PTPRG: variants seen among roughly 807,000 people sequenced by gnomAD.
The protein encoded by PTPRG is protein tyrosine phosphatase receptor type G, also known as receptor-type tyrosine-protein phosphatase gamma.
Under a neutral mutation model 165.3 loss-of-function variants are expected in PTPRG, and 102 were observed. The ratio of observed to expected loss-of-function variants is 0.62; its 90% CI spans 0.53 to 0.73. The LOEUF (loss-of-function observed/expected upper bound fraction) is 0.73. PTPRG is among the 30% of genes least tolerant of loss of function. PTPRG has a pLI of 0.00. For missense variants in PTPRG, 1,866 were observed against 1,861.4 expected (o/e 1.00, Z -0.05); for synonymous variants, 675 against 669.5 (o/e 1.01, Z -0.13).
intron 2 of PTPRG, among the ~76,000 whole-genome samples, chr3:61,924,835 A>G (rs575185972): frequency 1.6e-4 from 25 of 152,326 alleles, no homozygotes; most frequent in African/African-American, 6.0e-4. Context: ...TTGCTCTGAA[A>G]TTCATATACT....
intron 2 of PTPRG, among the ~76,000 whole-genome samples, chr3:61,947,195 G>A (rs2039781352): frequency 6.6e-6 from 1 of 152,182 alleles, no homozygotes; most frequent in Non-Finnish European, 1.5e-5. Flanking sequence ...CCTGCATAAG[G>A]AGATAAACTA....
intron 1 of PTPRG, among the ~76,000 whole-genome samples, chr3:61,675,832 A>G (rs2107094182): frequency 6.6e-6 from 1 of 152,064 alleles, no homozygotes; most frequent in South Asian, 2.1e-4. Flanking sequence ...AATTTTTTTA[A>G]AGTGTTCAGT....
intron 8 of PTPRG, among the ~76,000 whole-genome samples, chr3:62,170,231 A>T (rs1384670178): frequency 1.3e-5 from 2 of 150,194 alleles, no homozygotes; most frequent in Non-Finnish European, 3.0e-5. Context: ...ACATGAACTA[A>T]TTTTTTTTTT....
intron 5 of PTPRG, 86 bp from the exon 6 acceptor site, chr3:62,132,516 T>C: frequency 9.4e-7 from 1 of 1,058,674 alleles, no homozygotes; most frequent in Non-Finnish European, 1.5e-6. Flanking sequence ...CATTCTATTC[T>C]CCCCCTTCTC....
intron 2 of PTPRG, among the ~76,000 whole-genome samples, chr3:61,767,612 A>AT (rs2034067320): frequency 6.6e-6 from 1 of 152,206 alleles, no homozygotes; most frequent in Admixed American, 6.5e-5. Context: ...AAATATATAC[A>AT]TTTTCAGTGT....
At chr3:61,836,868 C>T (rs2036481678) in intron 2 of PTPRG, among the ~76,000 whole-genome samples, 1 of 151,958 alleles carries the variant, frequency 6.6e-6, no homozygotes, top group South Asian at 2.1e-4. Context: ...CGTCAGCCTC[C>T]CTAGTAGCTG....
intron 2 of PTPRG, among the ~76,000 whole-genome samples, chr3:61,985,371 G>A (rs2040734324): frequency 6.6e-6 from 1 of 152,162 alleles, no homozygotes; most frequent in African/African-American, 2.4e-5. Context: ...CTACATGTCT[G>A]TTTCATCCAT....
intron 2 of PTPRG, among the ~76,000 whole-genome samples, chr3:61,857,116 A>G (rs1443418390): frequency 6.6e-6 from 1 of 151,822 alleles, no homozygotes; most frequent in Non-Finnish European, 1.5e-5. Flanking sequence ...CTCTCTCAAC[A>G]TAGCCTCATT....
intron 2 of PTPRG, among the ~76,000 whole-genome samples, chr3:61,828,196 G>A (rs570394931): frequency 2.0e-5 from 3 of 152,184 alleles, no homozygotes; most frequent in Middle Eastern, 3.4e-3. Flanking sequence ...GCGTTTCTAC[G>A]AAATACAATA....
intron 5 of PTPRG, among the ~76,000 whole-genome samples, chr3:62,128,114 C>T (rs572963414): frequency 1.3e-5 from 2 of 152,200 alleles, no homozygotes; most frequent in South Asian, 2.1e-4. Context: ...ATTCAGAGCC[C>T]TTTTTCGAGT....
At chr3:61,800,294 G>T (rs1346179491) in intron 2 of PTPRG, among the ~76,000 whole-genome samples, 1 of 152,126 alleles carries the variant, frequency 6.6e-6, no homozygotes, top group African/African-American at 2.4e-5. Context: ...CAGGTGACAT[G>T]TTATTACAGC....
At chr3:61,564,030 C>G (rs1244155180) in intron 1 of PTPRG, among the ~76,000 whole-genome samples, 1 of 152,198 alleles carries the variant, frequency 6.6e-6, no homozygotes, top group Non-Finnish European at 1.5e-5. Flanking sequence ...CACTGGAGTC[C>G]TGCCTCTACG....
chr3:61,922,875 A>G (rs1471886905), intron 2 of PTPRG, among the ~76,000 whole-genome samples: 1 of 152,224 alleles, frequency 6.6e-6, no homozygotes, highest in Non-Finnish European at 1.5e-5. Flanking sequence ...TCCAGAACTC[A>G]GGTACTCTGC....
At chr3:61,803,411 A>G (rs2035307278) in intron 2 of PTPRG, among the ~76,000 whole-genome samples, 1 of 128,362 alleles carries the variant, frequency 7.8e-6, no homozygotes, top group African/African-American at 3.3e-5. Flanking sequence ...CCCATTTCTT[A>G]CTAAGGGACA....
chr3:61,956,287 CT>C (rs1674969234), intron 2 of PTPRG, among the ~76,000 whole-genome samples: 2 of 110,566 alleles, frequency 1.8e-5, no homozygotes, highest in Non-Finnish European at 4.1e-5. Context: ...CTCTCTCTCT[CT>C]CTCTCTCACA....
At position 62,252,381 on chromosome 3, in the gene PTPRG, A is replaced by T. The variant is rs1440209553; in HGVS notation, c.2468-2743A>T. On this transcript the variant is annotated intron_variant, in intron 15 of 29. Coordinates refer to ENST00000474889, the MANE Select transcript of PTPRG (RefSeq NM_002841.4). The surrounding 1 kb of genome is among the most constrained non-coding windows in gnomAD (Gnocchi z 4.6). ...GGGTCTGCAGCCAACTTCTTCTGCCATTCTAAACTTTTTTCAGCTGCAAGA... is the reference window on the plus strand; with the variant it reads ...GGGTCTGCAGCCAACTTCTTCTGCCTTTCTAAACTTTTTTCAGCTGCAAGA... Among the ~76,000 whole-genome samples the T allele has an allele frequency of 6.6e-6, 1 of 152,180 alleles. No homozygotes were observed. The highest frequency in any genetic ancestry group is 1.5e-5 in the Non-Finnish European group (1 of 68,024).
intron 1 of PTPRG, among the ~76,000 whole-genome samples, chr3:61,644,935 C>T (rs1335908960): frequency 1.3e-5 from 2 of 152,122 alleles, no homozygotes; most frequent in East Asian, 3.9e-4. Flanking sequence ...CCATTTGCTG[C>T]TGGAAAGTTG....
At chr3:61,889,001 A>G (rs912423511) in intron 2 of PTPRG, among the ~76,000 whole-genome samples, 15 of 152,356 alleles carry the variant, frequency 9.8e-5, no homozygotes, top group Admixed American at 4.6e-4. Flanking sequence ...TTCTCAGTGC[A>G]TATCAGGAGG....
At chr3:62,069,703 C>T (rs1369041279) in intron 4 of PTPRG, among the ~76,000 whole-genome samples, 2 of 151,560 alleles carry the variant, frequency 1.3e-5, no homozygotes, top group African/African-American at 2.4e-5. Flanking sequence ...GACACACGCA[C>T]ACACACACAC....
Sources: gnomAD v4.1 joint callset for allele counts (sites outside exome capture counted in the v4.1 genomes callset) on GRCh38, gnomAD v4.1.1 for gene constraint, Gnocchi (gnomAD v3.1) non-coding constraint, MANE v1.5 for transcripts, NCBI Gene and HGNC (gene_info 2026-07-23, HGNC 2026-07-21) for gene names.